The following BRINP3 variants were observed in gnomAD, a reference collection of about 807,000 sequenced individuals.
The protein encoded by BRINP3 is BMP/retinoic acid-inducible neural-specific protein 3.
In BRINP3, 19 loss-of-function variants were observed where a neutral mutation model predicts 71.0. That is an observed-to-expected ratio of 0.27 (90% CI 0.19 to 0.39). BRINP3 has a LOEUF of 0.39. Ranked by LOEUF, BRINP3 falls within the 10% of genes least tolerant of loss-of-function variation. BRINP3 has a pLI of 1.00. For missense variants in BRINP3, 959 were observed against 940.8 expected, an observed-to-expected ratio of 1.02 and a Z score of -0.25; for synonymous variants, 380 against 337.7, an observed-to-expected ratio of 1.13 and a Z score of -1.37.
intron 4 of BRINP3, among the ~76,000 whole-genome samples, chr1:190,259,487 T>A (rs921725823): frequency 1.3e-5 from 2 of 151,468 alleles, no homozygotes; most frequent in African/African-American, 4.9e-5. Flanking sequence ...ACTTCCTCCA[T>A]GTATTAAAGA....
intron 2 of BRINP3, among the ~76,000 whole-genome samples, chr1:190,285,840 G>C (rs2102949589): frequency 6.6e-6 from 1 of 151,896 alleles, no homozygotes; most frequent in South Asian, 2.1e-4. Context: ...ACATGCTGTT[G>C]GATGTAATTA....
chr1:190,355,402 A>C (rs941728180), intron 2 of BRINP3, among the ~76,000 whole-genome samples: 1 of 151,898 alleles, frequency 6.6e-6, no homozygotes, highest in Non-Finnish European at 1.5e-5. Flanking sequence ...TTCTTTATAT[A>C]GATTATATTT....
At chr1:190,304,809 G>A (rs12084750) in intron 2 of BRINP3, among the ~76,000 whole-genome samples, 2,087 of 151,786 alleles carry the variant, frequency 0.014, 41 homozygotes, top group African/African-American at 0.047. Context: ...GGAAACTTCC[G>A]ACAAAGTGAA....
rs1646422386 is a variant in BRINP3, at chr1:190,097,780, A to T, written c.*238T>A. On this transcript the variant is annotated 3_prime_UTR_variant, in exon 8 of 8. Transcript: ENST00000367462. ...TAAAATTACAAATGAAATTTATTGT[A>T]AAAAGTAGAATGTCTTCTAGACTGG... 7.3e-6 allele frequency: 3 copies of T among 411,840 alleles called. No homozygotes were observed. Among genetic ancestry groups the T allele is most frequent in the Admixed American group, 4.0e-5 (1 of 25,164 alleles). The allele number at this position is 411,840 out of a possible 1,614,324, so 25.5% of individuals were successfully genotyped here. A position where few individuals can be genotyped will look rare whatever the true frequency, so the allele number is the denominator to read the frequency against.
At chr1:190,301,207 A>ATG in intron 2 of BRINP3, among the ~76,000 whole-genome samples, 1 of 18,274 alleles carries the variant, frequency 5.5e-5, no homozygotes, top group Non-Finnish European at 1.2e-4. Flanking sequence ...ACACATACAT[A>ATG]TATATATATA....
chr1:190,412,912 GGAGA>G (rs781185166), intron 2 of BRINP3, among the ~76,000 whole-genome samples: 1 of 151,780 alleles, frequency 6.6e-6, no homozygotes, highest in Non-Finnish European at 1.5e-5. Context: ...AAGAAGAAAG[GGAGA>G]GAGAGAAAGA....
chr1:190,418,743 A>C (rs1673167676), intron 2 of BRINP3, among the ~76,000 whole-genome samples: 1 of 152,116 alleles, frequency 6.6e-6, no homozygotes, highest in Non-Finnish European at 1.5e-5. Context: ...ATTGTCTGGA[A>C]TCAGTGTATG....
chr1:190,346,453 C>T (rs1326142486), intron 2 of BRINP3, among the ~76,000 whole-genome samples: 2 of 151,890 alleles, frequency 1.3e-5, no homozygotes, highest in Non-Finnish European at 2.9e-5. Context: ...TTTGGTATTT[C>T]TGTACTATTT....
chr1:190,216,905 A>C, intron 6 of BRINP3: 1 of 152,068 alleles, frequency 6.6e-6, no homozygotes, highest in Non-Finnish European at 1.5e-5. Flanking sequence ...TAAAATAGCA[A>C]ACATAAACTG....
chr1:190,428,625 G>T (rs1030740729), intron 2 of BRINP3, among the ~76,000 whole-genome samples: 1 of 151,860 alleles, frequency 6.6e-6, no homozygotes, highest in African/African-American at 2.4e-5. Context: ...CTATTTCCCA[G>T]TTATTCATTC....
chr1:190,387,270 A>T (rs1670972155), intron 2 of BRINP3, among the ~76,000 whole-genome samples: 1 of 152,038 alleles, frequency 6.6e-6, no homozygotes, highest in Admixed American at 6.6e-5. Context: ...AATTAATAAC[A>T]AAAGTTAGAG....
At chr1:190,336,297 G>T (rs968193262) in intron 2 of BRINP3, among the ~76,000 whole-genome samples, 3 of 151,988 alleles carry the variant, frequency 2.0e-5, no homozygotes, top group African/African-American at 7.2e-5. Flanking sequence ...TTTTGATGTT[G>T]TGCAAAGTTT....
At chr1:190,421,291 CATTATTATTATT>C (rs78369563) in intron 2 of BRINP3, among the ~76,000 whole-genome samples, 2 of 132,068 alleles carry the variant, frequency 1.5e-5, no homozygotes, top group African/African-American at 2.6e-5. Flanking sequence ...ACAAGATTCT[CATTATTATTATT>C]ATTATTATTA....
chr1:190,149,302 A>G (rs558854155), intron 7 of BRINP3, among the ~76,000 whole-genome samples: 3 of 152,226 alleles, frequency 2.0e-5, no homozygotes, highest in African/African-American at 7.2e-5. Flanking sequence ...TGCTATTTAG[A>G]TAGGTATTTC....
At chr1:190,356,340 T>A (rs1350725518) in intron 2 of BRINP3, among the ~76,000 whole-genome samples, 3 of 151,952 alleles carry the variant, frequency 2.0e-5, no homozygotes, top group Non-Finnish European at 2.9e-5. Context: ...AGTGTCATTT[T>A]TTTCCTATGA....
At chr1:190,452,238 T>C (rs752770126) in intron 2 of BRINP3, among the ~76,000 whole-genome samples, 12 of 152,212 alleles carry the variant, frequency 7.9e-5, no homozygotes, top group Non-Finnish European at 1.5e-4. Context: ...GGTACCCTAA[T>C]GAATAAATTA....
At position 190,443,769 on chromosome 1, in the gene BRINP3, G is replaced by C. The variant is rs115315948; in HGVS notation, c.236+10886C>G. Reference sequence around the variant, plus strand: ...TGGAAACATCTGACAGCGACTTCTAGTTTGGGGCTTGGAAACCAACCAATC... The same window carrying C: ...TGGAAACATCTGACAGCGACTTCTACTTTGGGGCTTGGAAACCAACCAATC... On this transcript the variant is annotated intron_variant, in intron 2 of 7. Coordinates refer to ENST00000367462, the MANE Select transcript of BRINP3 (RefSeq NM_199051.3). Among the ~76,000 whole-genome samples the C allele has an allele frequency of 5.1e-3, 780 of 152,260 alleles. 6 individuals carry two copies. The highest frequency in any genetic ancestry group is 0.018 in the African/African-American group (733 of 41,552).
intron 6 of BRINP3, among the ~76,000 whole-genome samples, chr1:190,189,265 T>C (rs1011940060): frequency 3.3e-5 from 5 of 152,146 alleles, no homozygotes; most frequent in Non-Finnish European, 4.4e-5. Flanking sequence ...AGTGAAACCA[T>C]CAGGTTTAGG....
intron 2 of BRINP3, among the ~76,000 whole-genome samples, chr1:190,335,176 C>A (rs1667208937): frequency 1.3e-5 from 2 of 151,692 alleles, no homozygotes; most frequent in South Asian, 4.1e-4. Flanking sequence ...TCAATCTTGC[C>A]AAATTATGAC....
Sources: gnomAD v4.1 joint callset for allele counts (sites outside exome capture counted in the v4.1 genomes callset) on GRCh38, gnomAD v4.1.1 for gene constraint, MANE v1.5 for transcripts, NCBI Gene and HGNC (gene_info 2026-07-23, HGNC 2026-07-21) for gene names.